The following KCNQ1 variants were observed in gnomAD, a reference collection of about 807,000 sequenced individuals.
KCNQ1 encodes the protein potassium voltage-gated channel subfamily KQT member 1.
In KCNQ1, 49 loss-of-function variants were observed where a neutral mutation model predicts 72.4. The ratio of observed to expected loss-of-function variants is 0.68; its 90% CI spans 0.54 to 0.86. The LOEUF is 0.86. Among genes scored for constraint, KCNQ1 ranks in the 40% least tolerant of loss-of-function variants. The probability of loss-of-function intolerance (pLI) is 0.00; values close to 1 mark genes in which losing one functional copy is unlikely to be tolerated. For synonymous variants in KCNQ1, 450 were observed against 412.6 expected (o/e 1.09, Z -1.10); for missense variants, 790 against 945.1 (o/e 0.84, Z 2.15).
At chr11:2,571,107 C>A (rs1411945609) in intron 3 of KCNQ1, among the ~76,000 whole-genome samples, 1 of 152,192 alleles carries the variant, frequency 6.6e-6, no homozygotes, top group Non-Finnish European at 1.5e-5. Flanking sequence ...CAGGGCCCAG[C>A]CTAGGCCGGG....
chr11:2,584,930 C>T lies in KCNQ1; in HGVS notation c.1033-282C>T, dbSNP rs139186125. ...CCCTTCCTGGGCACATACAGATGGA[C>T]CAGCCCACCTGGCCCCCAGAATGGT... On this transcript the variant is annotated intron_variant, in intron 7 of 15. Transcript: ENST00000155840. 4.0e-3 allele frequency among the ~76,000 whole-genome samples: 602 copies of T among 152,302 alleles called. 4 individuals carry two copies. The highest frequency in any genetic ancestry group is 0.017 in the Middle Eastern group (5 of 294).
chr11:2,667,855 A>G (rs1463419643), intron 11 of KCNQ1: 2 of 398,540 alleles, frequency 5.0e-6, no homozygotes, highest in East Asian at 3.6e-5. Context: ...GGTAATGTGC[A>G]TGCACACAGA....
In KCNQ1 at chr11:2,464,439, A is replaced by G. The variant is rs1400220217; in HGVS notation, c.386+18955A>G. On this transcript the variant is annotated intron_variant, in intron 1 of 15. Transcript: ENST00000155840. This position sits in a 1 kb window ranked among gnomAD's most constrained non-coding sequence, Gnocchi z 5.0. ...TGGAGTGTCTTCTGGCATCGCATGG[A>G]TGAGAACTCTGAATGAATTGAGTGT... 1.3e-5 allele frequency among the ~76,000 whole-genome samples: 2 copies of G among 152,146 alleles called. No homozygotes were observed. The highest frequency in any genetic ancestry group is 2.4e-5 in the African/African-American group (1 of 41,430).
rs1213065118 is a variant in KCNQ1, at chr11:2,599,120, C to T, written c.1393+10266C>T. 6.6e-6 allele frequency among the ~76,000 whole-genome samples: 1 copy of T among 152,138 alleles called. No individual in the cohort carries two copies. Among genetic ancestry groups the T allele is most frequent in the African/African-American group, 2.4e-5 (1 of 41,434 alleles). On this transcript the variant is annotated intron_variant, in intron 10 of 15. Coordinates refer to ENST00000155840, the MANE Select transcript of KCNQ1 (RefSeq NM_000218.3). This position sits in a 1 kb window ranked among gnomAD's most constrained non-coding sequence, Gnocchi z 4.7. ...TTTTTTCTTATGTTTGCTTGGGCTCCCCTCCTCTCTGTTACCTATGTTGAT... is the reference window on the plus strand; with the variant it reads ...TTTTTTCTTATGTTTGCTTGGGCTCTCCTCCTCTCTGTTACCTATGTTGAT...
rs1326471544 is a variant in KCNQ1 at position 2,734,926 on chromosome 11, C to A, written c.1515-33918C>A. On this transcript the variant is annotated intron_variant, in intron 11 of 15. Transcript: ENST00000155840. This position sits in a 1 kb window ranked among gnomAD's most constrained non-coding sequence, Gnocchi z 7.0. Reference sequence around the variant, plus strand: ...TGATGTCTCCAGGAGGCTTCTGGGCCAGCAGCATGTTCCAGTGCGACACAT... The same window carrying A: ...TGATGTCTCCAGGAGGCTTCTGGGCAAGCAGCATGTTCCAGTGCGACACAT... Among the ~76,000 whole-genome samples, 4 of 152,064 alleles carry A rather than the reference C, an allele frequency of 2.6e-5. No individual in the cohort carries two copies. Among genetic ancestry groups the A allele is most frequent in the East Asian group, 3.9e-4 (2 of 5,128 alleles).
In KCNQ1 at chr11:2,516,600, C is replaced by G. The variant is rs1847292584; in HGVS notation, c.387-11328C>G. ...TGATTGTGTAGCGGGTCCCCTGAAA[C>G]CAACACACAGGTGCAGACACCCACA... On this transcript the variant is annotated intron_variant, in intron 1 of 15. Transcript: ENST00000155840. This position sits in a 1 kb window ranked among gnomAD's most constrained non-coding sequence, Gnocchi z 7.0. Among the ~76,000 whole-genome samples the G allele has an allele frequency of 6.6e-6, 1 of 152,116 alleles. No individual in the cohort carries two copies. Among genetic ancestry groups the G allele is most frequent in the Admixed American group, 6.5e-5 (1 of 15,272 alleles).
Position 2,848,244 on chromosome 11 carries a change from G to A in KCNQ1, c.*241G>A, listed in dbSNP as rs142023323. 1.7e-4 allele frequency: 113 copies of A among 648,494 alleles called. No homozygotes were observed. Among genetic ancestry groups the A allele is most frequent in the African/African-American group, 1.7e-3 (95 of 55,792 alleles). 40.2% of individuals were successfully genotyped at this position (648,494 alleles called of 1,614,324 possible). ...TCAGGTCTGAGTTGTTACCCCAAGC[G>A]CCCTGGCCCCCACATGGTGATGTTG... is the stretch of plus-strand genomic sequence containing the variant. On this transcript the variant is annotated 3_prime_UTR_variant, in exon 16 of 16. Coordinates refer to ENST00000155840, the MANE Select transcript of KCNQ1 (RefSeq NM_000218.3).
intron 10 of KCNQ1, chr11:2,650,390 T>C (rs937995862): frequency 1.3e-5 from 5 of 398,494 alleles, no homozygotes; most frequent in Non-Finnish European, 1.8e-5. Context: ...GACTTCCAAT[T>C]TTATGGAGTA....
rs546753373 is a variant in KCNQ1, at chr11:2,504,972, C to T, written c.387-22956C>T. 2.0e-5 allele frequency among the ~76,000 whole-genome samples: 3 copies of T among 152,124 alleles called. No homozygotes were observed. The East Asian group carries it at 5.8e-4, about 29-fold the overall frequency. ...TGGGTATCAATTTTTCTGTTAGTAA[C>T]GCTTTTGTTGTGTCCCAGCAAGTTT... On this transcript the variant is annotated intron_variant, in intron 1 of 15. Transcript: ENST00000155840.
In KCNQ1 at chr11:2,536,113, G is replaced by A. The variant is rs1273954592; in HGVS notation, c.477+8095G>A. On this transcript the variant is annotated intron_variant, in intron 2 of 15. Coordinates refer to ENST00000155840, the MANE Select transcript of KCNQ1 (RefSeq NM_000218.3). The surrounding 1 kb of genome is among the most constrained non-coding windows in gnomAD (Gnocchi z 7.4). ...ACCCAGCCCCATGCACAGGCCACGCGGCGACAGGGGCTGCTGAAGGAAGGC... is the reference window on the plus strand; with the variant it reads ...ACCCAGCCCCATGCACAGGCCACGCAGCGACAGGGGCTGCTGAAGGAAGGC... Among the ~76,000 whole-genome samples the A allele has an allele frequency of 6.6e-6, 1 of 152,208 alleles. No individual in the cohort carries two copies. Among genetic ancestry groups the A allele is most frequent in the Non-Finnish European group, 1.5e-5 (1 of 68,038 alleles).
chr11:2,756,951 TAAAAAAAAAAAAAA>T (rs58284663), intron 11 of KCNQ1, among the ~76,000 whole-genome samples: 7 of 50,986 alleles, frequency 1.4e-4, no homozygotes, highest in Non-Finnish European at 1.8e-4. Context: ...AAGAGCATCT[TAAAAAAAAAAAAAA>T]AAAAAAAAAA....
At chr11:2,800,502 C>G (rs1039220456) in intron 15 of KCNQ1, among the ~76,000 whole-genome samples, 4 of 152,228 alleles carry the variant, frequency 2.6e-5, no homozygotes, top group Admixed American at 6.5e-5. Context: ...GCAGCCCTCC[C>G]CACTTTGCCT....
In KCNQ1 at chr11:2,567,852, G is replaced by A. The variant is rs1003225009; in HGVS notation, c.478-2776G>A. ...GGTCAAAATAACTTTAAAAAGACAC[G>A]CAGCTATCCACAGCAATCCTTAATA... On this transcript the variant is annotated intron_variant, in intron 2 of 15. Coordinates refer to ENST00000155840, the MANE Select transcript of KCNQ1 (RefSeq NM_000218.3). This position sits in a 1 kb window ranked among gnomAD's most constrained non-coding sequence, Gnocchi z 6.6. 1.3e-5 allele frequency among the ~76,000 whole-genome samples: 2 copies of A among 152,206 alleles called. No homozygotes were observed. The highest frequency in any genetic ancestry group is 1.5e-5 in the Non-Finnish European group (1 of 68,036).
Position 2,645,891 on chromosome 11 carries a change from G to A in KCNQ1, c.1394-16070G>A. ...GATTCAGGGTGATCTCCCTCTCTGG[G>A]AGCTGTTCATTGCCATTTCACAGTC... On this transcript the variant is annotated intron_variant, in intron 10 of 15. Coordinates refer to ENST00000155840, the MANE Select transcript of KCNQ1 (RefSeq NM_000218.3). This position sits in a 1 kb window ranked among gnomAD's most constrained non-coding sequence, Gnocchi z 5.8. The A allele has an allele frequency of 5.0e-6, 2 of 398,632 alleles. No homozygotes were observed. Among genetic ancestry groups the A allele is most frequent in the East Asian group, 7.1e-5 (2 of 28,072 alleles). 24.7% of individuals were successfully genotyped at this position (398,632 alleles called of 1,614,324 possible).
rs1489654484 is a variant in KCNQ1 at position 2,588,040 on chromosome 11, G to C, written c.1251+348G>C. On this transcript the variant is annotated intron_variant, in intron 9 of 15. Coordinates refer to ENST00000155840, the MANE Select transcript of KCNQ1 (RefSeq NM_000218.3). This position sits in a 1 kb window ranked among gnomAD's most constrained non-coding sequence, Gnocchi z 5.6. ...AGTGGGTGGTGAGCAGTGGGCAGGG[G>C]GCCGCGCGCAGTGGGTGGTGGGAGG... Among the ~76,000 whole-genome samples, 1 of 152,020 alleles carries C rather than the reference G, an allele frequency of 6.6e-6. No homozygotes were observed. Among genetic ancestry groups the C allele is most frequent in the Non-Finnish European group, 1.5e-5 (1 of 67,986 alleles).
intron 10 of KCNQ1, chr11:2,660,617 A>T (rs1284252131): frequency 2.5e-6 from 1 of 398,548 alleles, no homozygotes; most frequent in African/African-American, 2.1e-5. Flanking sequence ...TGCCAAGCCC[A>T]TAAAAGGTAT....
At position 2,600,666 on chromosome 11, in the gene KCNQ1, G is replaced by T. The variant is rs959355484; in HGVS notation, c.1393+11812G>T. On this transcript the variant is annotated intron_variant, in intron 10 of 15. Transcript: ENST00000155840. The surrounding 1 kb of genome is among the most constrained non-coding windows in gnomAD (Gnocchi z 5.6). Reference sequence around the variant, plus strand: ...AATTTAATGCCTATGTTCCCATTTTGTCAGTTGCCATGACAATGTCCTTTG... The same window carrying T: ...AATTTAATGCCTATGTTCCCATTTTTTCAGTTGCCATGACAATGTCCTTTG... 9.2e-5 allele frequency among the ~76,000 whole-genome samples: 14 copies of T among 152,138 alleles called. No individual in the cohort carries two copies. The highest frequency in any genetic ancestry group is 2.7e-4 in the African/African-American group (11 of 41,424).
intron 11 of KCNQ1, among the ~76,000 whole-genome samples, chr11:2,714,778 G>A (rs1329732495): frequency 2.0e-5 from 3 of 152,158 alleles, no homozygotes; most frequent in Non-Finnish European, 4.4e-5. Flanking sequence ...GGTGGCTGCA[G>A]CATCGTCGTC....
At position 2,587,614 on chromosome 11, in the gene KCNQ1, C is replaced by CTGG. The variant is rs397508080; in HGVS notation, c.1174_1176dup (p.Trp392dup). ...CTGCCGAGAACCCCGACTCCTCCACCTGGAAGATCTACATCCGGAAGGCCC... is the reference window on the plus strand; with the variant it reads ...CTGCCGAGAACCCCGACTCCTCCACCTGGTGGAAGATCTACATCCGGAAGGCCC... On this transcript the variant is annotated inframe_insertion, in exon 9 of 16. Transcript: ENST00000155840. 1 of 1,613,990 alleles carries CTGG rather than the reference C, an allele frequency of 6.2e-7. No individual in the cohort carries two copies. The highest frequency in any genetic ancestry group is 8.5e-7 in the Non-Finnish European group (1 of 1,180,024).
Sources: gnomAD v4.1 joint callset for allele counts (sites outside exome capture counted in the v4.1 genomes callset) on GRCh38, gnomAD v4.1.1 for gene constraint, Gnocchi (gnomAD v3.1) non-coding constraint, MANE v1.5 for transcripts, NCBI Gene and HGNC (gene_info 2026-07-23, HGNC 2026-07-21) for gene names.